The following LAMA3 variants were observed in gnomAD, a reference collection of about 807,000 sequenced individuals.
LAMA3 encodes the protein laminin subunit alpha-3.
LAMA3 carries 281 observed loss-of-function variants against 402.0 expected under a neutral mutation model. The observed-to-expected ratio is 0.70, with a 90% CI of 0.63 to 0.77. The LOEUF is 0.77. LAMA3 is among the 30% of genes least tolerant of loss of function. The probability of loss-of-function intolerance (pLI) is 0.00; values close to 1 mark genes in which losing one functional copy is unlikely to be tolerated. For missense variants in LAMA3, 3,840 were observed against 4,215.5 expected, an observed-to-expected ratio of 0.91 and a Z score of 2.47; for synonymous variants, 1,431 against 1,558.4, an observed-to-expected ratio of 0.92 and a Z score of 1.93.
chr18:23,780,682 T>TTGA (rs1240078210), intron 11 of LAMA3, among the ~76,000 whole-genome samples: 1 of 152,136 alleles, frequency 6.6e-6, no homozygotes, highest in South Asian at 2.1e-4. Context: ...GATTTGCATA[T>TTGA]TGATGATGAT....
At chr18:23,820,297 A>G (rs762442895) in intron 19 of LAMA3, among the ~76,000 whole-genome samples, 3 of 152,208 alleles carry the variant, frequency 2.0e-5, no homozygotes, top group Non-Finnish European at 4.4e-5. Flanking sequence ...TTTTTATAGA[A>G]GGGGGAAGTT....
intron 13 of LAMA3, among the ~76,000 whole-genome samples, chr18:23,811,700 A>G (rs1033990607): frequency 6.6e-6 from 1 of 152,088 alleles, no homozygotes; most frequent in Non-Finnish European, 1.5e-5. Context: ...GTATTACGGA[A>G]AAATGCAGGG....
At chr18:23,930,497 C>T (rs1416490785) in intron 64 of LAMA3, among the ~76,000 whole-genome samples, 1 of 151,992 alleles carries the variant, frequency 6.6e-6, no homozygotes. Flanking sequence ...CCTGTAATCC[C>T]AGCACCTTGG....
chr18:23,882,173 A>G, intron 40 of LAMA3, 128 bp downstream of exon 40: 1 of 708,154 alleles, frequency 1.4e-6, no homozygotes, highest in Non-Finnish European at 2.6e-6. Flanking sequence ...TTCTTTTTGA[A>G]GGGATGAAAA....
At chr18:23,791,925 C>G (rs1484621857) in intron 12 of LAMA3, among the ~76,000 whole-genome samples, 3 of 152,110 alleles carry the variant, frequency 2.0e-5, no homozygotes, top group Non-Finnish European at 2.9e-5. Context: ...CCATATCACT[C>G]TTTTTGAAAA....
In LAMA3 at chr18:23,879,964, G is replaced by A. The variant is rs955628155; in HGVS notation, c.5113-1972G>A. 6.6e-5 allele frequency among the ~76,000 whole-genome samples: 10 copies of A among 152,332 alleles called. No individual in the cohort carries two copies. The highest frequency in any genetic ancestry group is 3.4e-3 in the Middle Eastern group (1 of 294). ...CAGTCTCAGAGCTAAGTAGACACAGGACTGAAATATATCTATACAGTCATG... is the reference window on the plus strand; with the variant it reads ...CAGTCTCAGAGCTAAGTAGACACAGAACTGAAATATATCTATACAGTCATG... On this transcript the variant is annotated intron_variant, in intron 39 of 74. Coordinates refer to ENST00000313654, the MANE Select transcript of LAMA3 (RefSeq NM_198129.4). This position sits in a 1 kb window ranked among gnomAD's most constrained non-coding sequence, Gnocchi z 4.2.
intron 2 of LAMA3, among the ~76,000 whole-genome samples, chr18:23,732,583 C>A (rs1286821211): frequency 2.0e-5 from 3 of 152,140 alleles, no homozygotes; most frequent in Non-Finnish European, 4.4e-5. Flanking sequence ...AAGAAGGGAC[C>A]TGCAGGGTGC....
At position 23,952,893 on chromosome 18, in the gene LAMA3, A is replaced by G. The variant is rs759931434; in HGVS notation, c.9737-97A>G. 3.9e-6 allele frequency: 6 copies of G among 1,540,638 alleles called. No individual in the cohort carries two copies. The South Asian group carries it at 6.8e-5, about 17-fold the overall frequency. ...CCAAATTTCTGCAAACAGCACTCCC[A>G]CAGGTCTAGTATGAAGGAGTTAAAA... On this transcript the variant is annotated intron_variant, in intron 73 of 74. Transcript: ENST00000313654.
At chr18:23,898,040 A>AT (rs1481545570) in intron 44 of LAMA3, among the ~76,000 whole-genome samples, 2 of 151,872 alleles carry the variant, frequency 1.3e-5, no homozygotes, top group East Asian at 1.9e-4. Flanking sequence ...TAATAATATC[A>AT]TTTTTTCCTA....
rs2061744124 is a variant in LAMA3 at position 23,751,093 on chromosome 18, G to A, written c.855+5G>A. The A allele has an allele frequency of 1.2e-6, 2 of 1,613,894 alleles. No homozygotes were observed. The highest frequency in any genetic ancestry group is 2.2e-5 in the South Asian group (2 of 91,080). The stretch of plus-strand genomic sequence containing the variant: ...GATCCAACTGTCACTCGGCGGGTGA[G>A]TAGTCAGAGCATTTGTTTTGTTACT... On this transcript the variant is annotated splice_donor_5th_base_variant and intron_variant, in intron 5 of 74. Coordinates refer to ENST00000313654, the MANE Select transcript of LAMA3 (RefSeq NM_198129.4).
chr18:23,823,146 TGCGTG>T (rs925838954), intron 20 of LAMA3, among the ~76,000 whole-genome samples: 1 of 152,206 alleles, frequency 6.6e-6, no homozygotes, highest in African/African-American at 2.4e-5. Context: ...CAACCCAACT[TGCGTG>T]GCTGGAGGTT....
chr18:23,847,575 A>G lies in LAMA3; in HGVS notation c.4043A>G (p.His1348Arg). 6.2e-7 allele frequency: 1 copy of G among 1,613,892 alleles called. No individual in the cohort carries two copies. The highest frequency in any genetic ancestry group is 8.5e-7 in the Non-Finnish European group (1 of 1,180,024). Residue 1348 changes from histidine to arginine, a missense_variant, in exon 32 of 75, where the codon CAC becomes CGC. Physicochemically the swap from His to Arg is conservative, Grantham distance 29 (BLOSUM62 0). Around this residue, in one of 3 missense-constraint regions of LAMA3, gnomAD observed 2,109 missense variants for 2,376.0 expected, o/e 0.89. Transcript: ENST00000313654. Reference protein sequence around the residue: ...EVCETHSFSFHPMAGCEGCNC... With the variant: ...EVCETHSFSFRPMAGCEGCNC... ...TGTGAGACACACTCATTCAGCTTCC[A>G]CCCCATGGCCGGCTGCGAAGGCTGC...
chr18:23,929,383 G>T (rs2082096955), intron 64 of LAMA3, among the ~76,000 whole-genome samples: 1 of 152,246 alleles, frequency 6.6e-6, no homozygotes, highest in African/African-American at 2.4e-5. Context: ...TTTGTGGAAT[G>T]AGTGGAATTT....
At chr18:23,773,668 A>G in intron 9 of LAMA3, 81 bp downstream of exon 9, 1 of 858,970 alleles carries the variant, frequency 1.2e-6, no homozygotes, top group Non-Finnish European at 1.9e-6. Context: ...TGGATCAGTT[A>G]ATAACTTCCT....
At chr18:23,821,994 A>G (rs1398096825) in intron 19 of LAMA3, among the ~76,000 whole-genome samples, 2 of 152,318 alleles carry the variant, frequency 1.3e-5, no homozygotes, top group South Asian at 2.1e-4. Context: ...AAAGGTCAAA[A>G]GAGGATCTCA....
intron 10 of LAMA3, among the ~76,000 whole-genome samples, chr18:23,776,784 C>T (rs901532801): frequency 1.3e-5 from 2 of 151,710 alleles, no homozygotes; most frequent in Admixed American, 6.6e-5. Flanking sequence ...TGAGACACCA[C>T]ATCAGAATTT....
At chr18:23,848,070 T>A (rs1039493897) in intron 32 of LAMA3, among the ~76,000 whole-genome samples, 1 of 152,252 alleles carries the variant, frequency 6.6e-6, no homozygotes, top group Non-Finnish European at 1.5e-5. Context: ...ATGAGCTTCA[T>A]ACCCTCCTTC....
chr18:23,916,021 AAAAAAAAAAAG>A, intron 59 of LAMA3, among the ~76,000 whole-genome samples: 1 of 146,130 alleles, frequency 6.8e-6, no homozygotes, highest in East Asian at 1.9e-4. Context: ...AAAAAAAAAA[AAAAAAAAAAAG>A]AAAAGAAAAG....
At chr18:23,910,271 T>C (rs1323028331) in intron 55 of LAMA3, among the ~76,000 whole-genome samples, 1 of 152,198 alleles carries the variant, frequency 6.6e-6, no homozygotes, top group Non-Finnish European at 1.5e-5. Context: ...CTGTGAGACC[T>C]GAGCCCTGTC....
Sources: gnomAD v4.1 joint callset for allele counts (sites outside exome capture counted in the v4.1 genomes callset) on GRCh38, gnomAD v4.1.1 for gene constraint, gnomAD v4.1.1 regional missense constraint, Gnocchi (gnomAD v3.1) non-coding constraint, MANE v1.5 for transcripts, NCBI Gene and HGNC (gene_info 2026-07-23, HGNC 2026-07-21) for gene names.